KYNU: variants seen among roughly 807,000 people sequenced by gnomAD.
KYNU encodes the protein kynureninase, also known as L-kynurenine hydrolase.
In KYNU, 54 loss-of-function variants were observed where a neutral mutation model predicts 59.2. That is an observed-to-expected ratio of 0.91 (90% CI 0.73 to 1.14). The LOEUF is 1.14. KYNU is among the 50% of genes most tolerant of loss of function. KYNU has a pLI of 0.00. For synonymous variants in KYNU, 177 were observed against 192.0 expected, an observed-to-expected ratio of 0.92 and a Z score of 0.65; for missense variants, 567 against 554.4, an observed-to-expected ratio of 1.02 and a Z score of -0.23.
chr2:143,039,956 C>A (rs1484751423), intron 12 of KYNU, among the ~76,000 whole-genome samples: 23 of 152,084 alleles, frequency 1.5e-4, no homozygotes, highest in Admixed American at 1.5e-3. Context: ...CTGAATGGGT[C>A]CTGTTAAGAA....
intron 3 of KYNU, among the ~76,000 whole-genome samples, chr2:142,924,039 C>G (rs929398827): frequency 2.0e-5 from 3 of 152,272 alleles, no homozygotes; most frequent in South Asian, 2.1e-4. Context: ...TAAGAGAGCA[C>G]TAAGAAAATA....
intron 10 of KYNU, among the ~76,000 whole-genome samples, chr2:143,016,335 A>C (rs1464712959): frequency 3.3e-5 from 5 of 152,220 alleles, no homozygotes; most frequent in Non-Finnish European, 7.3e-5. Context: ...ATATGTTAAT[A>C]TGTAATTTAG....
At chr2:142,970,644 T>C (rs1259479318) in intron 8 of KYNU, among the ~76,000 whole-genome samples, 1 of 152,226 alleles carries the variant, frequency 6.6e-6, no homozygotes, top group African/African-American at 2.4e-5. Context: ...AGTTGGACTT[T>C]GTTGGGACAG....
rs1254541647 is a variant in KYNU at position 143,042,795 on chromosome 2, A to G, written c.*623A>G. The G allele has an allele frequency of 6.6e-6, 1 of 151,566 alleles. No homozygotes were observed. The highest frequency in any genetic ancestry group is 2.4e-5 in the African/African-American group (1 of 41,376). The allele number at this position is 151,566 out of a possible 1,614,324, so 9.4% of individuals were successfully genotyped here. On this transcript the variant is annotated 3_prime_UTR_variant, in exon 14 of 14. Coordinates refer to ENST00000264170, the MANE Select transcript of KYNU (RefSeq NM_003937.3). ...AATATTATTGATTCTAAGATATTTTATCATATTTTAACATCTTTGAAAGAG... is the reference window on the plus strand; with the variant it reads ...AATATTATTGATTCTAAGATATTTTGTCATATTTTAACATCTTTGAAAGAG...
In KYNU at chr2:142,994,997, A is replaced by G. The variant is rs546625482; in HGVS notation, c.902+8976A>G. On this transcript the variant is annotated intron_variant, in intron 10 of 13. Transcript: ENST00000264170. ...CTTTAAAATCCTTCATGAATTTTTAATCAACATTGATGAACAAAATTCAAG... is the reference window on the plus strand; with the variant it reads ...CTTTAAAATCCTTCATGAATTTTTAGTCAACATTGATGAACAAAATTCAAG... 3.3e-5 allele frequency among the ~76,000 whole-genome samples: 5 copies of G among 152,274 alleles called. No homozygotes were observed. In the South Asian group the frequency reaches 1.0e-3, roughly 32 times the overall value.
At chr2:143,022,070 C>A (rs565456734) in intron 10 of KYNU, among the ~76,000 whole-genome samples, 10 of 152,178 alleles carry the variant, frequency 6.6e-5, no homozygotes, top group African/African-American at 2.2e-4. Context: ...CTTGAAAGTA[C>A]AGTAGTAATA....
intron 13 of KYNU, among the ~76,000 whole-genome samples, 162 bp from the exon 14 acceptor site, chr2:143,041,885 A>G (rs1251426682): frequency 6.6e-6 from 1 of 152,038 alleles, no homozygotes; most frequent in African/African-American, 2.4e-5. Context: ...GAAAAGTTTC[A>G]TAAAACAGAA....
intron 3 of KYNU, among the ~76,000 whole-genome samples, chr2:142,919,164 G>A (rs1682782280): frequency 6.6e-6 from 1 of 152,218 alleles, no homozygotes. Flanking sequence ...CATGGATACA[G>A]AGAAACTTTA....
At chr2:142,958,399 C>T (rs1165804728) in intron 7 of KYNU, among the ~76,000 whole-genome samples, 3 of 152,188 alleles carry the variant, frequency 2.0e-5, no homozygotes, top group Non-Finnish European at 2.9e-5. Flanking sequence ...CAGACTTTGA[C>T]ATTTAAACCC....
At chr2:142,967,506 G>A (rs1159780737) in intron 8 of KYNU, 2 of 151,958 alleles carry the variant, frequency 1.3e-5, no homozygotes, top group Non-Finnish European at 2.9e-5. Flanking sequence ...GATAGCCCAG[G>A]CAGTTTGAAT....
At chr2:143,010,753 T>G (rs1467867439) in intron 10 of KYNU, among the ~76,000 whole-genome samples, 1 of 147,816 alleles carries the variant, frequency 6.8e-6, no homozygotes, top group Non-Finnish European at 1.5e-5. Flanking sequence ...TCATAAATAA[T>G]GCCGCATACC....
At chr2:142,985,740 T>G (rs1685179656) in intron 9 of KYNU, among the ~76,000 whole-genome samples, 1 of 151,922 alleles carries the variant, frequency 6.6e-6, no homozygotes, top group Non-Finnish European at 1.5e-5. Flanking sequence ...TAATAGCCAT[T>G]TATTCTCAAC....
chr2:143,032,408 C>G (rs1686778717), intron 11 of KYNU, among the ~76,000 whole-genome samples: 1 of 152,180 alleles, frequency 6.6e-6, no homozygotes, highest in Non-Finnish European at 1.5e-5. Context: ...CATTCACCTC[C>G]CATCAGGTCC....
intron 10 of KYNU, among the ~76,000 whole-genome samples, chr2:142,997,284 AT>A (rs1685571678): frequency 6.6e-6 from 1 of 152,304 alleles, no homozygotes; most frequent in Admixed American, 6.5e-5. Flanking sequence ...AACCCTGATT[AT>A]TTAATGAGGA....
At position 142,912,703 on chromosome 2, in the gene KYNU, CTTTTTTTTTTTTT is replaced by C. The variant is rs1163302368; in HGVS notation, c.170-5894_170-5882del. On this transcript the variant is annotated intron_variant, in intron 2 of 13. Coordinates refer to ENST00000264170, the MANE Select transcript of KYNU (RefSeq NM_003937.3). Reference sequence around the variant, plus strand: ...TGGGATCTTTTGTATTTCTTTCTTCCTTTTTTTTTTTTTTTTTTTTTTTTGAGATGGAGTCTTG... The same window carrying C: ...TGGGATCTTTTGTATTTCTTTCTTCCTTTTTTTTTTTGAGATGGAGTCTTG... Among the ~76,000 whole-genome samples, 6 of 71,836 alleles carry C rather than the reference CTTTTTTTTTTTTT, an allele frequency of 8.4e-5. No homozygotes were observed. In the East Asian group the frequency reaches 1.4e-3, roughly 17 times the overall value. The allele number at this position is 71,836 out of a possible 152,430, so 47.1% of individuals were successfully genotyped here.
At chr2:142,905,995 ATC>A (rs1470781261) in intron 2 of KYNU, among the ~76,000 whole-genome samples, 1 of 148,486 alleles carries the variant, frequency 6.7e-6, no homozygotes, top group Admixed American at 6.7e-5. Flanking sequence ...TCTCTCTCTC[ATC>A]TCTGTCTCTC....
At chr2:142,891,730 C>A (rs1048299833) in intron 2 of KYNU, among the ~76,000 whole-genome samples, 1 of 152,090 alleles carries the variant, frequency 6.6e-6, no homozygotes, top group Non-Finnish European at 1.5e-5. Flanking sequence ...GGAAAGCATA[C>A]TTTTCTCTAT....
intron 2 of KYNU, among the ~76,000 whole-genome samples, chr2:142,909,081 T>A (rs1682394281): frequency 6.6e-6 from 1 of 152,260 alleles, no homozygotes; most frequent in East Asian, 1.9e-4. Context: ...CTGGTACTTG[T>A]ATCTAACAAT....
At chr2:142,962,448 T>G (rs565318880) in intron 8 of KYNU, among the ~76,000 whole-genome samples, 1 of 152,350 alleles carries the variant, frequency 6.6e-6, no homozygotes, top group African/African-American at 2.4e-5. Context: ...ACCTTTCTAC[T>G]CTTCTCAATT....
Sources: gnomAD v4.1 joint callset for allele counts (sites outside exome capture counted in the v4.1 genomes callset) on GRCh38, gnomAD v4.1.1 for gene constraint, MANE v1.5 for transcripts, NCBI Gene and HGNC (gene_info 2026-07-23, HGNC 2026-07-21) for gene names.